RFTN1: variants seen among roughly 807,000 people sequenced by gnomAD.
RFTN1 encodes raftlin, lipid raft linker 1, also known as raftlin.
Under a neutral mutation model 46.5 loss-of-function variants are expected in RFTN1, and 26 were observed. The ratio of observed to expected loss-of-function variants is 0.56; its 90% CI spans 0.41 to 0.78. The LOEUF is 0.78. Among genes scored for constraint, RFTN1 ranks in the 30% least tolerant of loss-of-function variants. RFTN1 has a pLI of 0.00. For missense variants in RFTN1, 693 were observed against 718.7 expected, an observed-to-expected ratio of 0.96 and a Z score of 0.41; for synonymous variants, 261 against 284.2, an observed-to-expected ratio of 0.92 and a Z score of 0.82.
At position 16,334,772 on chromosome 3, in the gene RFTN1, C is replaced by T. The variant is rs538525; in HGVS notation, c.1147-7896G>A. On this transcript the variant is annotated intron_variant, in intron 7 of 9. Coordinates refer to ENST00000334133, the MANE Select transcript of RFTN1 (RefSeq NM_015150.2). This position sits in a 1 kb window ranked among gnomAD's most constrained non-coding sequence, Gnocchi z 4.3. ...CAGGAGCCTGTGAAAATGTTCCCTTCGCATGGTAAAGGGATGTGGCAGATA... is the reference window on the plus strand; with the variant it reads ...CAGGAGCCTGTGAAAATGTTCCCTTTGCATGGTAAAGGGATGTGGCAGATA... Among the ~76,000 whole-genome samples, 53,550 of 152,042 alleles carry T rather than the reference C, an allele frequency of 0.35. 10,407 individuals are homozygous for T. The highest frequency in any genetic ancestry group is 0.43 in the Non-Finnish European group (28,964 of 67,948).
intron 4 of RFTN1, among the ~76,000 whole-genome samples, chr3:16,398,749 T>A (rs1209880243): frequency 6.6e-6 from 1 of 152,100 alleles, no homozygotes; most frequent in East Asian, 1.9e-4. Flanking sequence ...AATGGAGACA[T>A]CCCCTGGGTG....
chr3:16,328,247 T>C (rs2069931316), intron 7 of RFTN1, among the ~76,000 whole-genome samples: 1 of 152,116 alleles, frequency 6.6e-6, no homozygotes. Flanking sequence ...GGGCAAAAAT[T>C]AGAAGGCAAA....
At chr3:16,456,745 C>T (rs1423751110) in intron 2 of RFTN1, among the ~76,000 whole-genome samples, 1 of 152,088 alleles carries the variant, frequency 6.6e-6, no homozygotes, top group Admixed American at 6.5e-5. Context: ...CATCATGGGT[C>T]GTGTAGCCAC....
chr3:16,327,854 C>A lies in RFTN1; in HGVS notation c.1147-978G>T, dbSNP rs955154831. The stretch of plus-strand genomic sequence containing the variant: ...GCCCCTGCACTGGCTTCCACCTCTG[C>A]AGGCGTTCTCACTGCAACAGGCCTC... On this transcript the variant is annotated intron_variant, in intron 7 of 9. Transcript: ENST00000334133. This position sits in a 1 kb window ranked among gnomAD's most constrained non-coding sequence, Gnocchi z 4.2. 3.3e-5 allele frequency among the ~76,000 whole-genome samples: 5 copies of A among 152,200 alleles called. No homozygotes were observed. Among genetic ancestry groups the A allele is most frequent in the Non-Finnish European group, 7.3e-5 (5 of 68,030 alleles).
rs768961801 is a variant in RFTN1 at position 16,327,453 on chromosome 3, T to C, written c.1147-577A>G. On this transcript the variant is annotated intron_variant, in intron 7 of 9. Transcript: ENST00000334133. This position sits in a 1 kb window ranked among gnomAD's most constrained non-coding sequence, Gnocchi z 4.2. ...TTAGGATTTGGGGAACTAACATTTG[T>C]CTTTCAGTTAAAAAACTCAGCCCCG... 9.9e-5 allele frequency among the ~76,000 whole-genome samples: 15 copies of C among 152,178 alleles called. No homozygotes were observed. Among genetic ancestry groups the C allele is most frequent in the Admixed American group, 2.0e-4 (3 of 15,286 alleles).
intron 6 of RFTN1, 85 bp downstream of exon 6, chr3:16,369,991 C>T (rs1436595089): frequency 1.6e-6 from 2 of 1,245,560 alleles, no homozygotes; most frequent in East Asian, 2.3e-5. Context: ...CTGAATGAAG[C>T]AGACTCTGAA....
chr3:16,470,357 G>C (rs948153744), intron 2 of RFTN1, among the ~76,000 whole-genome samples: 1 of 152,216 alleles, frequency 6.6e-6, no homozygotes, highest in African/African-American at 2.4e-5. Context: ...TGCAAGAAAA[G>C]TACTGCACTG....
At chr3:16,364,579 T>C (rs1447048012) in intron 6 of RFTN1, among the ~76,000 whole-genome samples, 1 of 152,030 alleles carries the variant, frequency 6.6e-6, no homozygotes, top group Non-Finnish European at 1.5e-5. Flanking sequence ...GAGATTTCAG[T>C]TGGGTCACAA....
chr3:16,386,888 A>G (rs1475285465), intron 4 of RFTN1, among the ~76,000 whole-genome samples: 2 of 152,210 alleles, frequency 1.3e-5, no homozygotes, highest in Non-Finnish European at 2.9e-5. Context: ...AGTCCACGGG[A>G]GACAAAAAGT....
chr3:16,363,883 G>A (rs973745095), intron 6 of RFTN1, among the ~76,000 whole-genome samples: 1 of 151,864 alleles, frequency 6.6e-6, no homozygotes, highest in Admixed American at 6.6e-5. Flanking sequence ...ATTAGCAATC[G>A]CCAACTGCGT....
At chr3:16,501,569 G>T (rs180761441) in intron 1 of RFTN1, among the ~76,000 whole-genome samples, 1 of 152,162 alleles carries the variant, frequency 6.6e-6, no homozygotes, top group Non-Finnish European at 1.5e-5. Flanking sequence ...CCAACAGCTC[G>T]TGACAAGCAA....
Position 16,509,235 on chromosome 3 carries a change from G to T in RFTN1, c.-9+4207C>A, listed in dbSNP as rs146200606. Among the ~76,000 whole-genome samples the T allele has an allele frequency of 2.3e-3, 356 of 152,290 alleles. 2 individuals carry two copies. The highest frequency in any genetic ancestry group is 4.2e-3 in the Non-Finnish European group (285 of 68,034). On this transcript the variant is annotated intron_variant, in intron 1 of 9. Coordinates refer to ENST00000334133, the MANE Select transcript of RFTN1 (RefSeq NM_015150.2). The surrounding 1 kb of genome is among the most constrained non-coding windows in gnomAD (Gnocchi z 4.9). ...AAAAAAACTAAAGAAAATGATTGCA[G>T]TGTATCATTTCCTGTAACGCTGTTC...
In RFTN1 at chr3:16,465,232, A is replaced by G. The variant is rs962662117; in HGVS notation, c.145+28493T>C. ...TGCCACTTCAAGGTAAAAAAAAAAAAAGCCTTAGTATTTCATAGAGGTTTT... is the reference window on the plus strand; with the variant it reads ...TGCCACTTCAAGGTAAAAAAAAAAAGAGCCTTAGTATTTCATAGAGGTTTT... On this transcript the variant is annotated intron_variant, in intron 2 of 9. Coordinates refer to ENST00000334133, the MANE Select transcript of RFTN1 (RefSeq NM_015150.2). The surrounding 1 kb of genome is among the most constrained non-coding windows in gnomAD (Gnocchi z 5.1). 2.0e-5 allele frequency among the ~76,000 whole-genome samples: 3 copies of G among 152,094 alleles called. No individual in the cohort carries two copies. Among genetic ancestry groups the G allele is most frequent in the Non-Finnish European group, 2.9e-5 (2 of 67,994 alleles).
Position 16,491,765 on chromosome 3 carries a change from C to CA in RFTN1, c.145+1959dup, listed in dbSNP as rs150164778. On this transcript the variant is annotated intron_variant, in intron 2 of 9. Coordinates refer to ENST00000334133, the MANE Select transcript of RFTN1 (RefSeq NM_015150.2). ...ACGATGCAAAAAACAAACAAACAAA[C>CA]AAACAAAACAAACAAAAAAAAAAAA... is the stretch of plus-strand genomic sequence containing the variant. Among the ~76,000 whole-genome samples, 648 of 148,902 alleles carry CA rather than the reference C, an allele frequency of 4.4e-3. 12 individuals are homozygous for CA. The East Asian group carries it at 0.065, about 15-fold the overall frequency.
intron 3 of RFTN1, among the ~76,000 whole-genome samples, chr3:16,417,296 G>T (rs889629798): frequency 6.6e-6 from 1 of 151,616 alleles, no homozygotes; most frequent in Non-Finnish European, 1.5e-5. Context: ...CACCGCACCC[G>T]GCCTCCAGAA....
chr3:16,391,901 T>TTTG, intron 4 of RFTN1, among the ~76,000 whole-genome samples: 1 of 112,026 alleles, frequency 8.9e-6, no homozygotes, highest in African/African-American at 3.2e-5. Flanking sequence ...TTTGTTTTTT[T>TTTG]TACGGGGAAG....
chr3:16,434,500 A>G (rs1415308836), intron 2 of RFTN1, among the ~76,000 whole-genome samples: 6 of 152,146 alleles, frequency 3.9e-5, no homozygotes, highest in African/African-American at 1.4e-4. Context: ...GTTTGCAGTG[A>G]GCCATGATAG....
chr3:16,349,900 C>T (rs1174805879), intron 7 of RFTN1: 1 of 152,236 alleles, frequency 6.6e-6, no homozygotes, highest in Non-Finnish European at 1.5e-5. Context: ...GTCGATGTTG[C>T]AGTTTTGAGT....
Position 16,481,354 on chromosome 3 carries a change from A to G in RFTN1, c.145+12371T>C, listed in dbSNP as rs2076364246. On this transcript the variant is annotated intron_variant, in intron 2 of 9. Coordinates refer to ENST00000334133, the MANE Select transcript of RFTN1 (RefSeq NM_015150.2). The surrounding 1 kb of genome is among the most constrained non-coding windows in gnomAD (Gnocchi z 5.1). ...GAAAATCTCTTCAAACTGTAAGAGC[A>G]TATTTATCTACTTTGAGACATGTTT... 1.3e-5 allele frequency among the ~76,000 whole-genome samples: 2 copies of G among 152,200 alleles called. No homozygotes were observed. Among genetic ancestry groups the G allele is most frequent in the Admixed American group, 1.3e-4 (2 of 15,274 alleles).
Sources: gnomAD v4.1 joint callset for allele counts (sites outside exome capture counted in the v4.1 genomes callset) on GRCh38, gnomAD v4.1.1 for gene constraint, Gnocchi (gnomAD v3.1) non-coding constraint, MANE v1.5 for transcripts, NCBI Gene and HGNC (gene_info 2026-07-23, HGNC 2026-07-21) for gene names.